Variants in DAB1 observed in about 807,000 individuals in gnomAD.
DAB1 encodes DAB adaptor protein 1.
A neutral mutation model predicts 64.6 loss-of-function variants in DAB1; 15 were observed. The ratio of observed to expected loss-of-function variants is 0.23; its 90% CI spans 0.16 to 0.36. DAB1 has a LOEUF of 0.36. Ranked by LOEUF, DAB1 falls within the 10% of genes least tolerant of loss-of-function variation. The probability of loss-of-function intolerance (pLI) is 1.00; values close to 1 mark genes in which losing one functional copy is unlikely to be tolerated. For missense variants in DAB1, 596 were observed against 706.7 expected (o/e 0.84, Z 1.78); for synonymous variants, 235 against 251.9 (o/e 0.93, Z 0.64).
chr1:57,287,692 A>T (rs1023484349), intron 2 of DAB1, among the ~76,000 whole-genome samples: 2 of 152,206 alleles, frequency 1.3e-5, no homozygotes, highest in African/African-American at 4.8e-5. Context: ...CCAAGTTAGC[A>T]AATTTGTTTA....
chr1:58,536,163 C>G (rs1646513822), intron 1 of DAB1, among the ~76,000 whole-genome samples: 1 of 152,132 alleles, frequency 6.6e-6, no homozygotes, highest in Non-Finnish European at 1.5e-5. Context: ...GCAATGGGCG[C>G]AACTACAAAT....
At chr1:57,025,905 C>G in intron 10 of DAB1, 76 bp downstream of exon 10, 1 of 1,211,440 alleles carries the variant, frequency 8.3e-7, no homozygotes, top group African/African-American at 1.6e-5. Flanking sequence ...CACTCAAAGC[C>G]CATATTCTGG....
At chr1:57,606,931 C>T (rs1372330711) in intron 7 of DAB1, among the ~76,000 whole-genome samples, 2 of 150,608 alleles carry the variant, frequency 1.3e-5, no homozygotes, top group African/African-American at 2.4e-5. Flanking sequence ...ATTACAGGTG[C>T]CTGCCACCAC....
At chr1:57,317,430 A>C (rs1461945083) in intron 1 of DAB1, among the ~76,000 whole-genome samples, 1 of 151,924 alleles carries the variant, frequency 6.6e-6, no homozygotes, top group East Asian at 2.0e-4. Context: ...GTAAACTAAT[A>C]CGTGTTCTTA....
chr1:57,837,789 ACCACCCCCACCT>A (rs917172508), intron 1 of DAB1, among the ~76,000 whole-genome samples: 2 of 140,310 alleles, frequency 1.4e-5, no homozygotes, highest in Admixed American at 7.7e-5. Flanking sequence ...CACCACCTTC[ACCACCCCCACCT>A]CCACCCCCAT....
intron 6 of DAB1, among the ~76,000 whole-genome samples, chr1:57,808,224 T>C (rs374616092): frequency 1.4e-5 from 2 of 139,890 alleles, no homozygotes; most frequent in Non-Finnish European, 3.1e-5. Flanking sequence ...CACACACACA[T>C]ACCCCTGAGC....
At chr1:58,213,203 T>C (rs1349176666) in intron 4 of DAB1, among the ~76,000 whole-genome samples, 2 of 152,198 alleles carry the variant, frequency 1.3e-5, no homozygotes, top group Non-Finnish European at 2.9e-5. Context: ...AGGCAACTGA[T>C]TCTTTTGTTG....
chr1:57,035,471 G>A (rs918028407), intron 9 of DAB1, among the ~76,000 whole-genome samples: 25 of 152,212 alleles, frequency 1.6e-4, no homozygotes, highest in Non-Finnish European at 2.9e-5. Flanking sequence ...TGGGAAAGGA[G>A]AGGTGGCCTT....
chr1:58,438,817 C>T (rs1644973798), intron 3 of DAB1, among the ~76,000 whole-genome samples: 1 of 152,232 alleles, frequency 6.6e-6, no homozygotes, highest in Non-Finnish European at 1.5e-5. Flanking sequence ...CTAAATCACC[C>T]TCTAACTTGG....
At chr1:58,018,226 G>T (rs1646769688) in intron 5 of DAB1, among the ~76,000 whole-genome samples, 1 of 151,878 alleles carries the variant, frequency 6.6e-6, no homozygotes, top group Non-Finnish European at 1.5e-5. Flanking sequence ...TTCTCTCCTT[G>T]CTTCCCTACT....
intron 7 of DAB1, among the ~76,000 whole-genome samples, chr1:57,453,341 CT>C (rs1423638052): frequency 3.3e-5 from 5 of 152,122 alleles, no homozygotes; most frequent in Admixed American, 1.3e-4. Flanking sequence ...TGCTGAAGTG[CT>C]TTTAAATAAG....
intron 3 of DAB1, among the ~76,000 whole-genome samples, chr1:58,500,304 A>C (rs952371370): frequency 1.3e-5 from 2 of 152,144 alleles, no homozygotes; most frequent in Non-Finnish European, 2.9e-5. Flanking sequence ...AACACTCTCT[A>C]TGTCAGACAA....
chr1:57,515,685 C>A (rs1407779658), intron 7 of DAB1, among the ~76,000 whole-genome samples: 1 of 152,220 alleles, frequency 6.6e-6, no homozygotes, highest in Non-Finnish European at 1.5e-5. Flanking sequence ...AAGGGGTTTC[C>A]AGTTACCATT....
intron 4 of DAB1, among the ~76,000 whole-genome samples, chr1:57,118,234 G>T (rs965611304): frequency 6.6e-6 from 1 of 152,096 alleles, no homozygotes; most frequent in Non-Finnish European, 1.5e-5. Context: ...ATCATCATTC[G>T]AACAGACTCT....
intron 4 of DAB1, among the ~76,000 whole-genome samples, chr1:58,153,288 C>T (rs187709797): frequency 3.9e-5 from 6 of 152,308 alleles, no homozygotes; most frequent in South Asian, 2.1e-4. Context: ...TTACAAAGTA[C>T]TTCCACATCT....
chr1:58,355,199 A>G (rs1329090906), intron 3 of DAB1, among the ~76,000 whole-genome samples: 1 of 152,148 alleles, frequency 6.6e-6, no homozygotes, highest in East Asian at 1.9e-4. Context: ...CAAACACACA[A>G]CTCAACTCTC....
intron 6 of DAB1, among the ~76,000 whole-genome samples, chr1:57,754,488 C>T (rs1272688266): frequency 6.6e-6 from 1 of 151,952 alleles, no homozygotes; most frequent in Non-Finnish European, 1.5e-5. Context: ...GAGATTGAGA[C>T]CAGCCTGGCC....
chr1:57,392,135 A>T (rs1682429033), intron 1 of DAB1, among the ~76,000 whole-genome samples: 1 of 152,176 alleles, frequency 6.6e-6, no homozygotes, highest in Admixed American at 6.5e-5. Context: ...GCACTTTGGG[A>T]GGCCAAGGCG....
At chr1:57,177,340 T>C (rs1662438718) in intron 2 of DAB1, among the ~76,000 whole-genome samples, 1 of 152,194 alleles carries the variant, frequency 6.6e-6, no homozygotes, top group Admixed American at 6.5e-5. Context: ...TTGTGTAGGA[T>C]AAACAGGTTA....
Sources: gnomAD v4.1 joint callset for allele counts (sites outside exome capture counted in the v4.1 genomes callset) on GRCh38, gnomAD v4.1.1 for gene constraint, MANE v1.5 for transcripts, NCBI Gene and HGNC (gene_info 2026-07-23, HGNC 2026-07-21) for gene names.